Variants in LGMN observed in about 807,000 individuals in gnomAD.
The protein encoded by LGMN is legumain.
Under a neutral mutation model 56.8 loss-of-function variants are expected in LGMN, and 36 were observed. That is an observed-to-expected ratio of 0.63 (90% CI 0.49 to 0.84). The LOEUF is 0.84. Ranked by LOEUF, LGMN falls within the 40% of genes least tolerant of loss-of-function variation. LGMN has a pLI of 0.00. For synonymous variants in LGMN, 199 were observed against 210.1 expected, an observed-to-expected ratio of 0.95 and a Z score of 0.46; for missense variants, 446 against 556.1, an observed-to-expected ratio of 0.80 and a Z score of 1.99.
chr14:92,715,310 C>T (rs1246455422), intron 5 of LGMN, among the ~76,000 whole-genome samples: 1 of 151,874 alleles, frequency 6.6e-6, no homozygotes, highest in African/African-American at 2.4e-5. Flanking sequence ...CCTCCACCTC[C>T]TGGATTCAAG....
intron 2 of LGMN, among the ~76,000 whole-genome samples, chr14:92,727,173 G>A (rs1890782031): frequency 9.4e-6 from 1 of 106,680 alleles, no homozygotes; most frequent in African/African-American, 5.2e-5. Context: ...GCTCACGCCT[G>A]TAATCGCAGC....
intron 11 of LGMN, among the ~76,000 whole-genome samples, chr14:92,707,495 A>G (rs1056339730): frequency 2.0e-5 from 3 of 152,192 alleles, no homozygotes; most frequent in Non-Finnish European, 2.9e-5. Context: ...AGCCGAAAGA[A>G]CAGCGCCCGA....
At position 92,716,152 on chromosome 14, in the gene LGMN, C is replaced by T. The variant is rs369708299; in HGVS notation, c.388G>A (p.Gly130Ser). The change falls in exon 5 of 14, where the codon GGC becomes AGC. Residue 130 changes from glycine to serine, a missense_variant. Transcript: ENST00000334869. Reference sequence around the variant, plus strand: ...AGACATTACCTCTTCAGGACTTTGCCGGATCCTATGCCCTTCACTGCTTCT... The same window carrying T: ...AGACATTACCTCTTCAGGACTTTGCTGGATCCTATGCCCTTCACTGCTTCT... ...DAEAVKGIGSGKVLKSGPQDH... is the reference protein window; with the variant it reads ...DAEAVKGIGSSKVLKSGPQDH... 4.7e-5 allele frequency: 76 copies of T among 1,611,488 alleles called. No homozygotes were observed. Among genetic ancestry groups the T allele is most frequent in the African/African-American group, 2.1e-4 (16 of 74,836 alleles).
chr14:92,732,638 CA>C lies in LGMN; in HGVS notation c.138+10del, dbSNP rs1311119371. The C allele has an allele frequency of 1.9e-6, 3 of 1,612,626 alleles. No individual in the cohort carries two copies. ...TGTCCTTAACAAAAAAAAGATTAGTCATTTTCTTACCTGGTGCCTATAATTA... is the reference window on the plus strand; with the variant it reads ...TGTCCTTAACAAAAAAAAGATTAGTCTTTTCTTACCTGGTGCCTATAATTA... On this transcript the variant is annotated intron_variant, in intron 2 of 13. Transcript: ENST00000334869.
At chr14:92,717,228 T>A (rs1348980324) in intron 4 of LGMN, 152 bp downstream of exon 4, 1 of 536,206 alleles carries the variant, frequency 1.9e-6, no homozygotes, top group African/African-American at 1.9e-5. Context: ...CTCTCATAAT[T>A]TACTCCTCAG....
chr14:92,726,608 G>A (rs546450877), intron 2 of LGMN, among the ~76,000 whole-genome samples: 1 of 152,188 alleles, frequency 6.6e-6, no homozygotes, highest in Admixed American at 6.5e-5. Context: ...TCTGAGTGGA[G>A]AGGTTCTGTC....
At chr14:92,704,545 C>A in intron 13 of LGMN, 95 bp downstream of exon 13, 1 of 1,191,408 alleles carries the variant, frequency 8.4e-7, no homozygotes, top group Non-Finnish European at 1.3e-6. Flanking sequence ...GAGCTCCTGG[C>A]AGAAGTGAAA....
intron 2 of LGMN, among the ~76,000 whole-genome samples, chr14:92,723,779 T>C (rs767332846): frequency 6.6e-5 from 10 of 152,162 alleles, no homozygotes; most frequent in Non-Finnish European, 1.2e-4. Context: ...TTGCCCAGGC[T>C]GGAGTGCAGC....
Position 92,704,646 on chromosome 14 carries a change from A to G in LGMN, c.1253T>C (p.Leu418Pro), listed in dbSNP as rs374036508. The G allele has an allele frequency of 2.5e-6, 4 of 1,612,078 alleles. No homozygotes were observed. The East Asian group carries it at 6.7e-5, about 27-fold the overall frequency. Reference protein sequence around the residue: ...LVNLCEKPYPLHRIKLSMDHV... With the variant: ...LVNLCEKPYPPHRIKLSMDHV... ...TCACCGCTGCATTAGTTACCTGTGA[A>G]GCGGATACGGCTTCTCACAAAGGTT... Residue 418 changes from leucine to proline, a missense_variant, in exon 13 of 14, where the codon CTT becomes CCT. By Grantham distance (98) the Leu-to-Pro change is moderately conservative. Coordinates refer to ENST00000334869, the MANE Select transcript of LGMN (RefSeq NM_005606.7).
intron 2 of LGMN, among the ~76,000 whole-genome samples, chr14:92,725,288 C>T (rs1002344864): frequency 2.0e-5 from 3 of 152,194 alleles, no homozygotes; most frequent in African/African-American, 7.2e-5. Flanking sequence ...GACACAGTGG[C>T]CTGTAATCTG....
At chr14:92,746,533 T>G (rs1355935036) in intron 1 of LGMN, among the ~76,000 whole-genome samples, 1 of 152,210 alleles carries the variant, frequency 6.6e-6, no homozygotes, top group Non-Finnish European at 1.5e-5. Flanking sequence ...TGCAACTGTC[T>G]TTAAAACCCT....
At chr14:92,707,542 C>T (rs773109794) in intron 11 of LGMN, among the ~76,000 whole-genome samples, 11 of 152,220 alleles carry the variant, frequency 7.2e-5, no homozygotes, top group Non-Finnish European at 1.5e-4. Flanking sequence ...ATCCAGCTGT[C>T]GTCTAGCAAT....
In LGMN at chr14:92,744,144, T is replaced by C. The variant is rs8015087; in HGVS notation, c.-30+4345A>G. Among the ~76,000 whole-genome samples the C allele has an allele frequency of 7.0e-3, 1,068 of 151,752 alleles. 8 individuals are homozygous for C. Among genetic ancestry groups the C allele is most frequent in the African/African-American group, 0.025 (1,023 of 41,340 alleles). On this transcript the variant is annotated intron_variant, in intron 1 of 13. Transcript: ENST00000334869. ...ACTCCAGCCTGGTGACAGGGTAAGC[T>C]CTGTCTCCAAAAAGAAAAAAAAAAA...
Position 92,714,536 on chromosome 14 carries a change from T to C in LGMN, c.405-85A>G. ...TGAAAAGCTGCCCTAATCAAAAAAT[T>C]AAGAAGTTTGGGGAGTAGAGTTGCC... is the stretch of plus-strand genomic sequence containing the variant. On this transcript the variant is annotated intron_variant, in intron 5 of 13. Transcript: ENST00000334869. This position sits in a 1 kb window ranked among gnomAD's most constrained non-coding sequence, Gnocchi z 5.1. The C allele has an allele frequency of 9.4e-7, 1 of 1,061,954 alleles. No homozygotes were observed. Among genetic ancestry groups the C allele is most frequent in the Non-Finnish European group, 1.4e-6 (1 of 711,850 alleles). 65.8% of individuals were successfully genotyped at this position (1,061,954 alleles called of 1,614,324 possible).
At chr14:92,743,929 G>A (rs2036131603) in intron 1 of LGMN, among the ~76,000 whole-genome samples, 1 of 152,092 alleles carries the variant, frequency 6.6e-6, no homozygotes, top group Non-Finnish European at 1.5e-5. Context: ...GTTGAGGTGG[G>A]CGGATTACAA....
intron 2 of LGMN, among the ~76,000 whole-genome samples, chr14:92,727,895 T>C (rs529210796): frequency 6.6e-6 from 1 of 152,284 alleles, no homozygotes; most frequent in African/African-American, 2.4e-5. Context: ...TTGCAAACCA[T>C]GGGCCTCAAG....
intron 2 of LGMN, among the ~76,000 whole-genome samples, chr14:92,727,783 T>C (rs1890813697): frequency 1.3e-5 from 2 of 152,158 alleles, no homozygotes; most frequent in South Asian, 4.1e-4. Context: ...CTGCTCTTTC[T>C]CAGCCTCGAG....
At chr14:92,744,152 C>CA (rs1891709033) in intron 1 of LGMN, among the ~76,000 whole-genome samples, 1 of 145,878 alleles carries the variant, frequency 6.9e-6, no homozygotes, top group Non-Finnish European at 1.5e-5. Context: ...GCTCTGTCTC[C>CA]AAAAAGAAAA....
In LGMN at chr14:92,706,186, G is replaced by T. The variant is rs8006822; in HGVS notation, c.1191+297C>A. On this transcript the variant is annotated intron_variant, in intron 12 of 13. Coordinates refer to ENST00000334869, the MANE Select transcript of LGMN (RefSeq NM_005606.7). Reference sequence around the variant, plus strand: ...GCTCGTGTGAGGGGTAGAGACGAGGGTGGGGTTTGGCAGGGACAGCAGAAG... The same window carrying T: ...GCTCGTGTGAGGGGTAGAGACGAGGTTGGGGTTTGGCAGGGACAGCAGAAG... Among the ~76,000 whole-genome samples the T allele has an allele frequency of 7.5e-3, 1,144 of 152,278 alleles. 16 individuals are homozygous for T. The highest frequency in any genetic ancestry group is 0.027 in the African/African-American group (1,117 of 41,522).
Sources: gnomAD v4.1 joint callset for allele counts (sites outside exome capture counted in the v4.1 genomes callset) on GRCh38, gnomAD v4.1.1 for gene constraint, Gnocchi (gnomAD v3.1) non-coding constraint, MANE v1.5 for transcripts, NCBI Gene and HGNC (gene_info 2026-07-23, HGNC 2026-07-21) for gene names.